WDPCP: variants seen among roughly 807,000 people sequenced by gnomAD.
The protein encoded by WDPCP is WD repeat containing planar cell polarity effector, also known as WD repeat-containing and planar cell polarity effector protein fritz homolog.
A neutral mutation model predicts 93.1 loss-of-function variants in WDPCP; 71 were observed. The ratio of observed to expected loss-of-function variants is 0.76; its 90% CI spans 0.63 to 0.93. The LOEUF is 0.93. Among genes scored for constraint, WDPCP ranks in the 40% least tolerant of loss-of-function variants. The pLI is 0.00. For synonymous variants in WDPCP, 315 were observed against 315.0 expected, an observed-to-expected ratio of 1.00 and a Z score of 0.00; for missense variants, 844 against 887.4, an observed-to-expected ratio of 0.95 and a Z score of 0.62.
intron 14 of WDPCP, among the ~76,000 whole-genome samples, chr2:63,214,886 G>T (rs1436471587): frequency 6.6e-6 from 1 of 152,058 alleles, no homozygotes; most frequent in Non-Finnish European, 1.5e-5. Context: ...GCTTCAAAGA[G>T]AATAAAATAC....
Position 63,281,304 on chromosome 2 carries a change from T to A in WDPCP, c.1813-21895A>T, listed in dbSNP as rs192877290. ...TGATACCACTTTACTTCTGCAAGAA[T>A]GGCCATAATAAAAGAATTTTTTAAA... On this transcript the variant is annotated intron_variant, in intron 13 of 17. Coordinates refer to ENST00000272321, the MANE Select transcript of WDPCP (RefSeq NM_015910.7). Among the ~76,000 whole-genome samples, 36 of 152,260 alleles carry A rather than the reference T, an allele frequency of 2.4e-4. No homozygotes were observed. In the East Asian group the frequency reaches 4.4e-3, roughly 19 times the overall value.
chr2:63,662,974 A>G (rs539288689), intron 2 of WDPCP, among the ~76,000 whole-genome samples: 1 of 152,338 alleles, frequency 6.6e-6, no homozygotes, highest in South Asian at 2.1e-4. Context: ...ACAGATGCCC[A>G]TGCCACTGTT....
chr2:63,599,297 G>A, intron 3 of WDPCP: 1 of 1,606,036 alleles, frequency 6.2e-7, no homozygotes, highest in Non-Finnish European at 8.5e-7. Flanking sequence ...GCTCAAGTAA[G>A]AAAAATATAT....
At chr2:63,653,485 A>G (rs1000822439) in intron 2 of WDPCP, among the ~76,000 whole-genome samples, 1 of 152,226 alleles carries the variant, frequency 6.6e-6, no homozygotes, top group African/African-American at 2.4e-5. Flanking sequence ...CCTGACAAAA[A>G]TCCTTAAAAG....
chr2:63,640,924 C>G (rs1709973830), intron 3 of WDPCP, among the ~76,000 whole-genome samples: 1 of 152,190 alleles, frequency 6.6e-6, no homozygotes, highest in African/African-American at 2.4e-5. Flanking sequence ...TGCTTTCGAA[C>G]TATTTTTTGT....
intron 8 of WDPCP, among the ~76,000 whole-genome samples, chr2:63,436,224 C>T (rs1298117926): frequency 6.6e-6 from 1 of 151,980 alleles, no homozygotes; most frequent in Non-Finnish European, 1.5e-5. Flanking sequence ...TTTAAGAATG[C>T]TAATACCATT....
chr2:63,348,313 A>G (rs1689336550), intron 12 of WDPCP, among the ~76,000 whole-genome samples: 1 of 152,170 alleles, frequency 6.6e-6, no homozygotes, highest in Non-Finnish European at 1.5e-5. Flanking sequence ...ACTGCATGCT[A>G]TCTCCACAAC....
intron 12 of WDPCP, among the ~76,000 whole-genome samples, chr2:63,342,196 G>A (rs1019390368): frequency 2.6e-5 from 4 of 152,122 alleles, no homozygotes; most frequent in Non-Finnish European, 4.4e-5. Flanking sequence ...GAGCTCAAGT[G>A]GTAATGCTCA....
chr2:63,477,826 A>T (rs1279614380), intron 6 of WDPCP: 1 of 152,146 alleles, frequency 6.6e-6, no homozygotes, highest in Non-Finnish European at 1.5e-5. Flanking sequence ...TGGAGCTGAG[A>T]CAATTTTAGA....
chr2:63,500,507 T>C (rs561124623), intron 1 of WDPCP, among the ~76,000 whole-genome samples: 1 of 149,856 alleles, frequency 6.7e-6, no homozygotes, highest in East Asian at 2.0e-4. Flanking sequence ...GTGATCAAAC[T>C]TGTTGGTTCT....
rs1416119169 is a variant in WDPCP, at chr2:63,404,654, G to C, written c.829C>G (p.Leu277Val). 1 of 1,613,830 alleles carries C rather than the reference G, an allele frequency of 6.2e-7. No homozygotes were observed. The highest frequency in any genetic ancestry group is 2.2e-5 in the East Asian group (1 of 44,886). The change falls in exon 10 of 18, where the codon CTG (leucine) becomes GTG (valine). Residue 277 changes from leucine (L) to valine (V), a missense_variant. Coordinates refer to ENST00000272321, the MANE Select transcript of WDPCP (RefSeq NM_015910.7). Reference sequence around the variant, plus strand: ...TCCCATTCTGTGCGGACAGAACTCAGAACCTGTTAAGAAATATATCAAGTA... The same window carrying C: ...TCCCATTCTGTGCGGACAGAACTCACAACCTGTTAAGAAATATATCAAGTA... ...LGYAQGRLEV[L>V]SSVRTEWDPL... is the part of the protein sequence containing the mutation.
chr2:63,708,704 G>A (rs1037272926), intron 2 of WDPCP, among the ~76,000 whole-genome samples: 1 of 152,074 alleles, frequency 6.6e-6, no homozygotes, highest in African/African-American at 2.4e-5. Flanking sequence ...GAAATCAGCT[G>A]TCCCAGCTCA....
At chr2:63,699,726 T>C (rs1669016764) in intron 2 of WDPCP, among the ~76,000 whole-genome samples, 2 of 152,130 alleles carry the variant, frequency 1.3e-5, no homozygotes, top group Admixed American at 6.5e-5. Context: ...CAGGGCAAAC[T>C]GGGAAAAGAA....
chr2:63,618,736 G>A (rs1709700059), intron 3 of WDPCP, among the ~76,000 whole-genome samples: 1 of 151,070 alleles, frequency 6.6e-6, no homozygotes, highest in Non-Finnish European at 1.5e-5. Context: ...TGTTGCCCAG[G>A]CTGGAGTGCA....
intron 6 of WDPCP, chr2:63,440,972 C>T (rs1479400047): frequency 6.6e-6 from 1 of 152,132 alleles, no homozygotes; most frequent in South Asian, 2.1e-4. Context: ...GACAGACCAC[C>T]ATTCCTCACT....
intron 10 of WDPCP, among the ~76,000 whole-genome samples, chr2:63,389,449 C>T (rs1046890072): frequency 6.6e-6 from 1 of 152,140 alleles, no homozygotes; most frequent in East Asian, 1.9e-4. Flanking sequence ...AAAAACATGC[C>T]AAATTATAAA....
chr2:63,178,640 T>C (rs1673999149), intron 14 of WDPCP, among the ~76,000 whole-genome samples: 1 of 152,136 alleles, frequency 6.6e-6, no homozygotes, highest in Non-Finnish European at 1.5e-5. Flanking sequence ...TTTGTAGATA[T>C]TTTAGAAAAA....
At position 63,175,487 on chromosome 2, in the gene WDPCP, A is replaced by G. The variant is rs117852350; in HGVS notation, c.1916-655T>C. 1.9e-4 allele frequency among the ~76,000 whole-genome samples: 29 copies of G among 152,304 alleles called. 1 individual carries two copies. The East Asian group carries it at 4.8e-3, about 25-fold the overall frequency. On this transcript the variant is annotated intron_variant, in intron 14 of 17. Transcript: ENST00000272321. The stretch of plus-strand genomic sequence containing the variant: ...TTTTTTACCATCTTAAACATTTTAA[A>G]GCATACAGTTCAATAGTGTTAAGTG...
chr2:63,720,412 A>G (rs1184042889), intron 2 of WDPCP, among the ~76,000 whole-genome samples: 2 of 149,694 alleles, frequency 1.3e-5, no homozygotes, highest in African/African-American at 4.9e-5. Context: ...GCAAGACTCT[A>G]CCTTAAAAAA....
Sources: gnomAD v4.1 joint callset for allele counts (sites outside exome capture counted in the v4.1 genomes callset) on GRCh38, gnomAD v4.1.1 for gene constraint, MANE v1.5 for transcripts, NCBI Gene and HGNC (gene_info 2026-07-23, HGNC 2026-07-21) for gene names.